CDH23: variants seen among roughly 807,000 people sequenced by gnomAD.
CDH23 encodes cadherin-23.
CDH23 carries 189 observed loss-of-function variants against 317.1 expected under a neutral mutation model. The ratio of observed to expected loss-of-function variants is 0.60; its 90% CI spans 0.53 to 0.67. The LOEUF (loss-of-function observed/expected upper bound fraction) is 0.67, where lower values mean the gene tolerates loss of function less well. Ranked by LOEUF, CDH23 falls within the 30% of genes least tolerant of loss-of-function variation. The pLI, the probability that CDH23 is intolerant of heterozygous loss-of-function variation, is 0.00. For synonymous variants in CDH23, 1,839 were observed against 1,876.8 expected (o/e 0.98, Z 0.52); for missense variants, 4,401 against 4,592.4 (o/e 0.96, Z 1.20).
intron 55 of CDH23, among the ~76,000 whole-genome samples, chr10:71,803,724 C>T (rs2132979288): frequency 6.7e-6 from 1 of 148,532 alleles, no homozygotes; most frequent in South Asian, 2.2e-4. Context: ...AATCCCAGCA[C>T]TTTGGGAGGC....
intron 11 of CDH23, among the ~76,000 whole-genome samples, chr10:71,631,000 T>C (rs531770081): frequency 6.6e-6 from 1 of 152,218 alleles, no homozygotes; most frequent in African/African-American, 2.4e-5. Context: ...TCCCAGCACT[T>C]TGGGAGGCCA....
intron 9 of CDH23, among the ~76,000 whole-genome samples, chr10:71,579,955 C>A (rs1858508734): frequency 6.6e-6 from 1 of 152,162 alleles, no homozygotes. Context: ...TGCTCACAGC[C>A]TCCGGGCTGG....
chr10:71,784,197 AG>A, intron 41 of CDH23, 89 bp from the exon 42 acceptor site: 1 of 1,419,348 alleles, frequency 7.0e-7, no homozygotes, highest in South Asian at 1.4e-5. Flanking sequence ...GTGACGAGTG[AG>A]GCTTGCTAGA....
chr10:71,766,498 G>T (rs1840548058), intron 38 of CDH23, among the ~76,000 whole-genome samples: 1 of 152,198 alleles, frequency 6.6e-6, no homozygotes, highest in Non-Finnish European at 1.5e-5. Context: ...TGTCCACTTA[G>T]TTGTGCCCTC....
At chr10:71,549,712 C>G (rs996874306) in intron 6 of CDH23, among the ~76,000 whole-genome samples, 3 of 152,192 alleles carry the variant, frequency 2.0e-5, no homozygotes, top group African/African-American at 7.2e-5. Context: ...CAAAATCCAC[C>G]TGGGTCACTC....
rs570067893 is a variant in CDH23 at position 71,455,429 on chromosome 10, T to C, written c.145+9034T>C. Among the ~76,000 whole-genome samples, 4 of 152,342 alleles carry C rather than the reference T, an allele frequency of 2.6e-5. No homozygotes were observed. The East Asian group carries it at 7.7e-4, about 29-fold the overall frequency. ...GGAACTGTTTGGGCAAATGTAATCT[T>C]GCCCAGAAGTCTAGGATAGATAGAT... On this transcript the variant is annotated intron_variant, in intron 3 of 69. Coordinates refer to ENST00000224721, the MANE Select transcript of CDH23 (RefSeq NM_022124.6).
rs760209955 is a variant in CDH23 at position 71,704,960 on chromosome 10, G to A, written c.2783G>A (p.Arg928His). 5.6e-6 allele frequency: 9 copies of A among 1,612,890 alleles called. No individual in the cohort carries two copies. The highest frequency in any genetic ancestry group is 2.2e-5 in the East Asian group (1 of 44,856). ...DEGLNGLVSY[R>H]MPVGMPRMDF... ...GGCCTGAACGGCCTGGTGTCCTACC[G>A]CATGCCGGTGGGCATGCCCCGCATG... Residue 928 changes from arginine (R) to histidine (H), a missense_variant, in exon 25 of 70, where the codon CGC (arginine) becomes CAC (histidine). By Grantham distance (29) the Arg-to-His change is conservative. Around this residue, in one of 3 missense-constraint regions of CDH23, gnomAD observed 3,068 missense variants for 3,203.3 expected, o/e 0.96. Coordinates refer to ENST00000224721, the MANE Select transcript of CDH23 (RefSeq NM_022124.6).
intron 6 of CDH23, among the ~76,000 whole-genome samples, chr10:71,515,484 C>T (rs1319051001): frequency 1.3e-5 from 2 of 151,432 alleles, no homozygotes; most frequent in African/African-American, 4.9e-5. Context: ...CTCTGCCTGT[C>T]GTTCAAAGCC....
chr10:71,645,765 C>G, intron 12 of CDH23, 66 bp from the exon 13 acceptor site: 1 of 1,576,400 alleles, frequency 6.3e-7, no homozygotes, highest in South Asian at 1.1e-5. Flanking sequence ...CTCTGCTCCT[C>G]CATTTGGGTC....
chr10:71,468,310 G>A (rs1024911167), intron 3 of CDH23, among the ~76,000 whole-genome samples: 2 of 152,206 alleles, frequency 1.3e-5, no homozygotes, highest in Admixed American at 1.3e-4. Flanking sequence ...CATGGCAGGT[G>A]CTTGGACATG....
At chr10:71,444,189 T>C (rs1207453164) in intron 2 of CDH23, among the ~76,000 whole-genome samples, 1 of 152,274 alleles carries the variant, frequency 6.6e-6, no homozygotes, top group Non-Finnish European at 1.5e-5. Flanking sequence ...AATACCACTG[T>C]TAATACTGGC....
rs190064288 is a variant in CDH23 at position 71,484,328 on chromosome 10, C to T, written c.146-25754C>T. Among the ~76,000 whole-genome samples the T allele has an allele frequency of 1.2e-4, 18 of 152,334 alleles. 2 individuals are homozygous for T. Among genetic ancestry groups the T allele is most frequent in the African/African-American group, 3.8e-4 (16 of 41,578 alleles). On this transcript the variant is annotated intron_variant, in intron 3 of 69. Coordinates refer to ENST00000224721, the MANE Select transcript of CDH23 (RefSeq NM_022124.6). ...TGCTTGCAAGACACCTGCCAAGTAC[C>T]GTCCTCTCTCTTCCTCCATCTCCCA...
intron 38 of CDH23, among the ~76,000 whole-genome samples, chr10:71,756,422 G>A (rs1840150227): frequency 6.6e-6 from 1 of 152,194 alleles, no homozygotes; most frequent in African/African-American, 2.4e-5. Flanking sequence ...TGGTAGACAT[G>A]TTGTTTCCAT....
Position 71,479,729 on chromosome 10 carries a change from A to G in CDH23, c.146-30353A>G, listed in dbSNP as rs543618698. Among the ~76,000 whole-genome samples, 5 of 152,090 alleles carry G rather than the reference A, an allele frequency of 3.3e-5. No homozygotes were observed. The East Asian group carries it at 9.7e-4, about 30-fold the overall frequency. ...CAGGGGCCCGGTGAGGATCAGGGGCAGGGAAACCAAGCTGGGGTGATGCTG... is the reference window on the plus strand; with the variant it reads ...CAGGGGCCCGGTGAGGATCAGGGGCGGGGAAACCAAGCTGGGGTGATGCTG... On this transcript the variant is annotated intron_variant, in intron 3 of 69. Coordinates refer to ENST00000224721, the MANE Select transcript of CDH23 (RefSeq NM_022124.6).
chr10:71,636,323 C>A (rs112282748), intron 11 of CDH23, among the ~76,000 whole-genome samples: 2,339 of 152,062 alleles, frequency 0.015, 56 homozygotes, highest in African/African-American at 0.054. Context: ...AGTTCAAGAC[C>A]ATCCTGGGCA....
intron 6 of CDH23, among the ~76,000 whole-genome samples, chr10:71,549,726 C>T (rs1489135376): frequency 6.6e-6 from 1 of 152,178 alleles, no homozygotes; most frequent in Non-Finnish European, 1.5e-5. Context: ...GTCACTCAGG[C>T]GGGTTTTACA....
At chr10:71,729,328 G>A (rs890627652) in intron 30 of CDH23, among the ~76,000 whole-genome samples, 2 of 152,168 alleles carry the variant, frequency 1.3e-5, no homozygotes, top group Admixed American at 6.5e-5. Context: ...TGTAAGAAGC[G>A]CCCACAGGAA....
chr10:71,594,517 G>A (rs1859712252), intron 9 of CDH23, among the ~76,000 whole-genome samples: 1 of 152,128 alleles, frequency 6.6e-6, no homozygotes, highest in South Asian at 2.1e-4. Context: ...GGGATTATGG[G>A]CATGCACCAC....
intron 38 of CDH23, chr10:71,748,184 C>A (rs553256458): frequency 6.6e-6 from 1 of 152,358 alleles, no homozygotes; most frequent in Non-Finnish European, 1.5e-5. Context: ...CCCTGCAGCC[C>A]CCTGTCCCAC....
Sources: gnomAD v4.1 joint callset for allele counts (sites outside exome capture counted in the v4.1 genomes callset) on GRCh38, gnomAD v4.1.1 for gene constraint, gnomAD v4.1.1 regional missense constraint, MANE v1.5 for transcripts, NCBI Gene and HGNC (gene_info 2026-07-23, HGNC 2026-07-21) for gene names.